The following SERGEF variants were observed in gnomAD, a reference collection of about 807,000 sequenced individuals.
The protein encoded by SERGEF is secretion regulating guanine nucleotide exchange factor.
A neutral mutation model predicts 50.0 loss-of-function variants in SERGEF; 51 were observed. That is an observed-to-expected ratio of 1.02 (90% CI 0.81 to 1.29). The LOEUF is 1.29. Among genes scored for constraint, SERGEF ranks in the 50% most tolerant of loss-of-function variants. SERGEF has a pLI of 0.00. For synonymous variants in SERGEF, 205 were observed against 212.4 expected, an observed-to-expected ratio of 0.97 and a Z score of 0.30; for missense variants, 521 against 557.0, an observed-to-expected ratio of 0.94 and a Z score of 0.65.
intron 10 of SERGEF, among the ~76,000 whole-genome samples, chr11:17,850,815 G>C (rs1226529380): frequency 6.6e-6 from 1 of 152,152 alleles, no homozygotes; most frequent in African/African-American, 2.4e-5. Flanking sequence ...CTAGAAAGCA[G>C]GATTCAGCAA....
intron 9 of SERGEF, among the ~76,000 whole-genome samples, chr11:17,920,357 C>T (rs996915095): frequency 1.3e-5 from 2 of 152,192 alleles, no homozygotes; most frequent in South Asian, 2.1e-4. Flanking sequence ...TATCTTCTAA[C>T]ATGGTATTTG....
rs1197356845 is a variant in SERGEF, at chr11:17,884,842, A to T, written c.1012-6598T>A. Among the ~76,000 whole-genome samples, 5 of 152,216 alleles carry T rather than the reference A, an allele frequency of 3.3e-5. No individual in the cohort carries two copies. Among genetic ancestry groups the T allele is most frequent in the Non-Finnish European group, 7.3e-5 (5 of 68,034 alleles). On this transcript the variant is annotated intron_variant, in intron 9 of 10. Coordinates refer to ENST00000265965, the MANE Select transcript of SERGEF (RefSeq NM_012139.4). The surrounding 1 kb of genome is among the most constrained non-coding windows in gnomAD (Gnocchi z 4.6). ...AAGTTGGGGTGAGAAGAAGAGAGCT[A>T]AAGTTTGGTTAAGTGCCTGGATGTC...
intron 10 of SERGEF, among the ~76,000 whole-genome samples, chr11:17,849,921 T>G (rs1202727457): frequency 6.6e-6 from 1 of 152,216 alleles, no homozygotes; most frequent in Non-Finnish European, 1.5e-5. Context: ...TCTGTTACTT[T>G]CAAGATACAT....
At chr11:17,816,163 C>T (rs970237452) in intron 10 of SERGEF, among the ~76,000 whole-genome samples, 1 of 152,240 alleles carries the variant, frequency 6.6e-6, no homozygotes, top group South Asian at 2.1e-4. Flanking sequence ...TTCCAGCTCC[C>T]CTTTCCTGAT....
intron 10 of SERGEF, among the ~76,000 whole-genome samples, chr11:17,823,972 A>G (rs1244243312): frequency 6.6e-6 from 1 of 152,130 alleles, no homozygotes; most frequent in Admixed American, 6.6e-5. Context: ...TTTAGTTGAC[A>G]TTGCTTGGTA....
At chr11:17,878,490 C>T (rs1014100729) in intron 9 of SERGEF, among the ~76,000 whole-genome samples, 1 of 152,118 alleles carries the variant, frequency 6.6e-6, no homozygotes, top group African/African-American at 2.4e-5. Context: ...GCTAGTGAGA[C>T]CATGAGTAAT....
chr11:17,846,234 C>A (rs193276083), intron 10 of SERGEF, among the ~76,000 whole-genome samples: 9 of 152,338 alleles, frequency 5.9e-5, no homozygotes, highest in Non-Finnish European at 1.2e-4. Context: ...ATGTCAATTA[C>A]TGCATTCTGT....
intron 9 of SERGEF, among the ~76,000 whole-genome samples, chr11:17,883,983 G>C (rs1163645989): frequency 5.3e-5 from 8 of 152,176 alleles, no homozygotes; most frequent in Non-Finnish European, 8.8e-5. Context: ...AACGAACACC[G>C]GGTTGCGGAC....
chr11:17,833,682 A>T (rs1030141156), intron 10 of SERGEF, among the ~76,000 whole-genome samples: 9 of 152,178 alleles, frequency 5.9e-5, no homozygotes, highest in South Asian at 2.1e-4. Flanking sequence ...GGACTATGGG[A>T]ACCTACCTCT....
intron 9 of SERGEF, among the ~76,000 whole-genome samples, chr11:17,957,670 C>G (rs1852902774): frequency 6.6e-6 from 1 of 151,910 alleles, no homozygotes; most frequent in Non-Finnish European, 1.5e-5. Flanking sequence ...CGGACCTTTG[C>G]CCTTGTCATT....
chr11:17,814,685 A>G (rs1411893273), intron 10 of SERGEF, among the ~76,000 whole-genome samples: 1 of 152,220 alleles, frequency 6.6e-6, no homozygotes, highest in Non-Finnish European at 1.5e-5. Context: ...GCTAACTATG[A>G]TTCCAAAGCC....
intron 10 of SERGEF, among the ~76,000 whole-genome samples, chr11:17,792,463 A>C (rs1397976101): frequency 1.3e-5 from 2 of 152,228 alleles, no homozygotes; most frequent in East Asian, 3.8e-4. Context: ...CCAGCAGGAC[A>C]CAGCACAGTG....
intron 10 of SERGEF, among the ~76,000 whole-genome samples, chr11:17,844,545 C>A (rs970072490): frequency 6.6e-6 from 1 of 152,162 alleles, no homozygotes; most frequent in Non-Finnish European, 1.5e-5. Flanking sequence ...GGTTCCCAGA[C>A]TGTGATGGAC....
intron 10 of SERGEF, among the ~76,000 whole-genome samples, chr11:17,832,202 G>T (rs867075253): frequency 2.0e-5 from 3 of 152,304 alleles, no homozygotes; most frequent in African/African-American, 7.2e-5. Flanking sequence ...GGGACCTGGT[G>T]GGAGGTAACT....
intron 9 of SERGEF, among the ~76,000 whole-genome samples, chr11:17,896,996 C>T (rs1031385142): frequency 2.0e-5 from 3 of 152,012 alleles, no homozygotes; most frequent in Non-Finnish European, 4.4e-5. Context: ...AAAAATAAAG[C>T]TCTACCAAAA....
chr11:17,803,535 T>G (rs2283248), intron 10 of SERGEF, among the ~76,000 whole-genome samples: 42,097 of 152,182 alleles, frequency 0.28, 6,043 homozygotes, highest in South Asian at 0.39. Flanking sequence ...TTTCTTCATC[T>G]GTAAATAAGA....
At chr11:17,860,045 T>C (rs1346316961) in intron 10 of SERGEF, among the ~76,000 whole-genome samples, 1 of 152,126 alleles carries the variant, frequency 6.6e-6, no homozygotes, top group Non-Finnish European at 1.5e-5. Context: ...GGTGCAGGCC[T>C]AGAGTAACCA....
chr11:17,904,663 T>TTTCC (rs1851806311), intron 9 of SERGEF, among the ~76,000 whole-genome samples: 1 of 152,194 alleles, frequency 6.6e-6, no homozygotes, highest in African/African-American at 2.4e-5. Context: ...TCAAGAAGCA[T>TTTCC]TTCTTCTTTC....
chr11:17,917,354 G>A (rs765910832), intron 9 of SERGEF, among the ~76,000 whole-genome samples: 1 of 152,162 alleles, frequency 6.6e-6, no homozygotes, highest in Non-Finnish European at 1.5e-5. Context: ...CTCATAAGTG[G>A]GAGCTAAACT....
Sources: allele counts gnomAD v4.1 joint callset (sites outside exome capture counted in the v4.1 genomes callset), GRCh38; gene constraint gnomAD v4.1.1; non-coding constraint Gnocchi (gnomAD v3.1); transcripts MANE v1.5; gene names NCBI Gene and HGNC (gene_info 2026-07-23, HGNC 2026-07-21).